Variants in TTC17 observed in about 807,000 individuals in gnomAD.
The protein encoded by TTC17 is tetratricopeptide repeat protein 17.
TTC17 carries 58 observed loss-of-function variants against 143.8 expected under a neutral mutation model. The observed-to-expected ratio is 0.40, with a 90% CI of 0.33 to 0.50. TTC17 has a LOEUF of 0.50. Ranked by LOEUF, TTC17 falls within the 20% of genes least tolerant of loss-of-function variation. TTC17 has a pLI of 0.49. For missense variants in TTC17, 1,273 were observed against 1,392.5 expected, an observed-to-expected ratio of 0.91 and a Z score of 1.37; for synonymous variants, 501 against 497.8, an observed-to-expected ratio of 1.01 and a Z score of -0.09.
chr11:43,392,928 G>T (rs1001177068), intron 5 of TTC17, among the ~76,000 whole-genome samples: 4 of 152,160 alleles, frequency 2.6e-5, no homozygotes, highest in Non-Finnish European at 4.4e-5. Flanking sequence ...TGAATCATAA[G>T]AAGAAACCAA....
intron 21 of TTC17, among the ~76,000 whole-genome samples, chr11:43,459,055 T>C (rs1278462196): frequency 2.0e-5 from 3 of 152,170 alleles, no homozygotes; most frequent in African/African-American, 7.2e-5. Context: ...TAAGAGAGAA[T>C]TCCTGTGTAT....
chr11:43,489,594 C>T (rs1376449600), intron 21 of TTC17, among the ~76,000 whole-genome samples: 1 of 151,988 alleles, frequency 6.6e-6, no homozygotes, highest in Non-Finnish European at 1.5e-5. Flanking sequence ...AAAAATTAGA[C>T]AGGCGTGGTG....
intron 15 of TTC17, among the ~76,000 whole-genome samples, chr11:43,408,548 T>C (rs1033983777): frequency 6.6e-6 from 1 of 152,158 alleles, no homozygotes; most frequent in African/African-American, 2.4e-5. Flanking sequence ...CTTGAAACTT[T>C]TCATGATTCC....
chr11:43,402,424 A>C (rs982161632), intron 10 of TTC17, among the ~76,000 whole-genome samples: 1 of 152,282 alleles, frequency 6.6e-6, no homozygotes, highest in South Asian at 2.1e-4. Context: ...CTGTCGCTGT[A>C]TATACACACG....
chr11:43,426,030 G>A (rs193005511), intron 16 of TTC17, among the ~76,000 whole-genome samples: 39 of 152,308 alleles, frequency 2.6e-4, no homozygotes, highest in African/African-American at 7.0e-4. Context: ...AGCACAATTT[G>A]CCTAAGTACA....
chr11:43,360,890 G>A (rs1856077841), intron 1 of TTC17, among the ~76,000 whole-genome samples: 1 of 152,076 alleles, frequency 6.6e-6, no homozygotes, highest in Admixed American at 6.6e-5. Flanking sequence ...TAAAAAGCAA[G>A]ATTTCTCTAT....
chr11:43,493,156 A>G lies in TTC17; in HGVS notation c.3295-617A>G, dbSNP rs559209622. Reference sequence around the variant, plus strand: ...GGCTAGAAGAAGTCATTAAACCAGTAGATTTGGGCTCTTCTTTTAGAGTGT... The same window carrying G: ...GGCTAGAAGAAGTCATTAAACCAGTGGATTTGGGCTCTTCTTTTAGAGTGT... On this transcript the variant is annotated intron_variant, in intron 23 of 23. Transcript: ENST00000039989. Among the ~76,000 whole-genome samples the G allele has an allele frequency of 2.0e-4, 30 of 152,366 alleles. No homozygotes were observed. In the South Asian group the frequency reaches 6.0e-3, roughly 31 times the overall value.
intron 16 of TTC17, among the ~76,000 whole-genome samples, chr11:43,429,903 T>G (rs1377794278): frequency 6.6e-6 from 1 of 152,212 alleles, no homozygotes; most frequent in Admixed American, 6.5e-5. Flanking sequence ...GAGTATAATA[T>G]AAGCCTGTTG....
intron 16 of TTC17, among the ~76,000 whole-genome samples, chr11:43,429,276 T>C (rs1947098858): frequency 6.6e-6 from 1 of 152,216 alleles, no homozygotes. Context: ...GTAAATTGAT[T>C]TGCCCAAGTT....
intron 7 of TTC17, 73 bp from the exon 8 acceptor site, chr11:43,397,901 C>CGTGTGTGTGTGT (rs368934799): frequency 2.6e-5 from 33 of 1,253,824 alleles, no homozygotes; most frequent in East Asian, 1.2e-4. Flanking sequence ...TTTTTTTTTC[C>CGTGTGTGTGTGT]GTGTGTGTGT....
intron 1 of TTC17, among the ~76,000 whole-genome samples, chr11:43,361,978 CTTT>C (rs35924919): frequency 3.0e-5 from 4 of 134,976 alleles, no homozygotes; most frequent in African/African-American, 2.9e-5. Context: ...ATCATTATAA[CTTT>C]TTTTTTTTTT....
At chr11:43,487,871 C>G (rs1429885834) in intron 21 of TTC17, among the ~76,000 whole-genome samples, 1 of 152,224 alleles carries the variant, frequency 6.6e-6, no homozygotes, top group African/African-American at 2.4e-5. Context: ...GGTTGTCCCT[C>G]TGTGCACACA....
chr11:43,375,781 T>C (rs937468313), intron 1 of TTC17, among the ~76,000 whole-genome samples: 3 of 152,212 alleles, frequency 2.0e-5, no homozygotes, highest in Non-Finnish European at 4.4e-5. Flanking sequence ...CAAACTTGTT[T>C]TTGTAGGACA....
intron 23 of TTC17, among the ~76,000 whole-genome samples, chr11:43,493,160 T>G (rs12224013): frequency 0.024 from 3,696 of 152,300 alleles, 97 homozygotes; most frequent in South Asian, 0.13. Flanking sequence ...ACCAGTAGAT[T>G]TGGGCTCTTC....
At chr11:43,381,760 C>A (rs2134489356) in intron 2 of TTC17, among the ~76,000 whole-genome samples, 1 of 152,104 alleles carries the variant, frequency 6.6e-6, no homozygotes, top group African/African-American at 2.4e-5. Flanking sequence ...AACTATGAGA[C>A]CTAGATGATG....
rs942069971 is a variant in TTC17, at chr11:43,401,393, A to G, written c.1220-53A>G. On this transcript the variant is annotated intron_variant, in intron 9 of 23. Coordinates refer to ENST00000039989, the MANE Select transcript of TTC17 (RefSeq NM_018259.6). ...AAATGACTTAGTCTAAGAAAATCAC[A>G]TTGGCATTGTTGACCTTGCTCATCA... is the stretch of plus-strand genomic sequence containing the variant. 67 of 1,275,178 alleles carry G rather than the reference A, an allele frequency of 5.3e-5. No homozygotes were observed. The African/African-American group carries it at 8.8e-4, about 17-fold the overall frequency. The allele number at this position is 1,275,178 out of a possible 1,614,324, so 79.0% of individuals were successfully genotyped here. A position where few individuals can be genotyped will look rare whatever the true frequency, so the allele number is the denominator to read the frequency against.
At chr11:43,447,556 T>A (rs1223654592) in intron 18 of TTC17, 1 of 155,916 alleles carries the variant, frequency 6.4e-6, no homozygotes, top group Non-Finnish European at 1.4e-5. Context: ...CACCCTCCAA[T>A]GCACAGGACA....
intron 15 of TTC17, among the ~76,000 whole-genome samples, chr11:43,411,239 C>T (rs982370283): frequency 1.3e-5 from 2 of 152,178 alleles, no homozygotes; most frequent in African/African-American, 4.8e-5. Flanking sequence ...CACTTGCCTC[C>T]TTGTAGTTCC....
intron 16 of TTC17, among the ~76,000 whole-genome samples, chr11:43,442,371 C>T (rs913518401): frequency 4.3e-4 from 65 of 152,138 alleles, no homozygotes; most frequent in African/African-American, 1.5e-3. Flanking sequence ...GAGGTATCAA[C>T]CCAGAGCTCT....
Sources: allele counts gnomAD v4.1 joint callset (sites outside exome capture counted in the v4.1 genomes callset), GRCh38; gene constraint gnomAD v4.1.1; transcripts MANE v1.5; gene names NCBI Gene and HGNC (gene_info 2026-07-23, HGNC 2026-07-21).